WDR1: variants seen among roughly 807,000 people sequenced by gnomAD.
WDR1 encodes the protein WD repeat-containing protein 1.
WDR1 carries 21 observed loss-of-function variants against 71.9 expected under a neutral mutation model. That is an observed-to-expected ratio of 0.29 (90% confidence interval 0.21 to 0.42). The LOEUF (loss-of-function observed/expected upper bound fraction) is 0.42. WDR1 is among the 10% of genes least tolerant of loss of function. WDR1 has a pLI of 1.00. For synonymous variants in WDR1, 424 were observed against 347.4 expected (o/e 1.22, Z -2.45); for missense variants, 696 against 824.5 (o/e 0.84, Z 1.91).
intron 11 of WDR1, 68 bp from the exon 12 acceptor site, chr4:10,079,069 G>A: frequency 1.5e-6 from 2 of 1,329,970 alleles, no homozygotes; most frequent in Admixed American, 4.1e-5. Flanking sequence ...GTGGTAGGAG[G>A]GGCGCGTCCC....
At chr4:10,094,130 C>G (rs1356645342) in intron 5 of WDR1, among the ~76,000 whole-genome samples, 1 of 152,222 alleles carries the variant, frequency 6.6e-6, no homozygotes, top group East Asian at 1.9e-4. Context: ...CCTACAATCA[C>G]AGCTTGTTAG....
chr4:10,100,843 G>T (rs922031996), intron 3 of WDR1, among the ~76,000 whole-genome samples: 8 of 152,240 alleles, frequency 5.3e-5, no homozygotes. Flanking sequence ...GTGCAGGAAG[G>T]ACATGCAGAT....
At chr4:10,114,054 A>G (rs1713556942) in intron 2 of WDR1, among the ~76,000 whole-genome samples, 1 of 152,058 alleles carries the variant, frequency 6.6e-6, no homozygotes, top group Non-Finnish European at 1.5e-5. Context: ...TTTTTTTCCA[A>G]GAGTACTTTG....
intron 6 of WDR1, 73 bp from the exon 7 acceptor site, chr4:10,088,446 T>G (rs1711739003): frequency 2.1e-6 from 3 of 1,442,452 alleles, no homozygotes; most frequent in South Asian, 1.2e-5. Flanking sequence ...CTCCATGGAC[T>G]GTGGCTGTAG....
intron 2 of WDR1, among the ~76,000 whole-genome samples, chr4:10,104,226 G>A (rs568856197): frequency 1.3e-5 from 2 of 152,142 alleles, no homozygotes; most frequent in African/African-American, 4.8e-5. Flanking sequence ...TGTACAACAA[G>A]GTGATTTTTT....
At chr4:10,115,720 T>A (rs1390602961) in intron 2 of WDR1, 1 of 158,908 alleles carries the variant, frequency 6.3e-6, no homozygotes, top group Non-Finnish European at 1.4e-5. Context: ...CTTCTCAAGG[T>A]CACGCAGCGG....
At chr4:10,116,399 C>T in intron 1 of WDR1, 165 bp from the exon 2 acceptor site, 2 of 1,110,792 alleles carry the variant, frequency 1.8e-6, no homozygotes, top group Non-Finnish European at 2.5e-6. Context: ...CTTCCTGGTC[C>T]GCGCCCCGGG....
At chr4:10,108,048 A>G (rs1359919363) in intron 2 of WDR1, among the ~76,000 whole-genome samples, 1 of 152,166 alleles carries the variant, frequency 6.6e-6, no homozygotes, top group East Asian at 1.9e-4. Context: ...TGGCAAACCT[A>G]AACATACTCC....
intron 13 of WDR1, 24 bp from the exon 14 acceptor site, chr4:10,077,472 G>A (rs909343176): frequency 3.1e-6 from 5 of 1,613,768 alleles, no homozygotes; most frequent in African/African-American, 2.7e-5. Context: ...GAAAACAAGA[G>A]AGGTGGCAGG....
Position 10,075,127 on chromosome 4 carries a change from G to A in WDR1, c.*251C>T. 2 of 488,692 alleles carry A rather than the reference G, an allele frequency of 4.1e-6. No homozygotes were observed. Among genetic ancestry groups the A allele is most frequent in the Admixed American group, 3.6e-5 (1 of 27,574 alleles). 30.3% of individuals were successfully genotyped at this position (488,692 alleles called of 1,614,324 possible). ...ATTCTCAAGGTTTGGTTGGGCTGTG[G>A]GTTTTAGTTATGCTCCACACATTGT... On this transcript the variant is annotated 3_prime_UTR_variant, in exon 15 of 15. Transcript: ENST00000499869.
chr4:10,083,057 G>A lies in WDR1; in HGVS notation c.1161C>T (p.Thr387=), dbSNP rs369146940. Residue 387 remains threonine (T), a synonymous_variant, in exon 10 of 15, where the codon ACC becomes ACT. Coordinates refer to ENST00000499869, the MANE Select transcript of WDR1 (RefSeq NM_017491.5). ...GQLISCSMDD[T]VRYTSLMLRD... The stretch of plus-strand genomic sequence containing the variant: ...GCAGCATGAGGCTGGTGTACCGCAC[G>A]GTGTCGTCCATGCTGCAGCTGATGA... 1.2e-4 allele frequency: 199 copies of A among 1,613,690 alleles called. No individual in the cohort carries two copies. The highest frequency in any genetic ancestry group is 1.7e-4 in the Middle Eastern group (1 of 6,054).
Position 10,077,025 on chromosome 4 carries a change from T to C in WDR1, c.1714+279A>G, listed in dbSNP as rs932187938. 3.2e-5 allele frequency: 13 copies of C among 406,622 alleles called. 1 individual carries two copies. Among genetic ancestry groups the C allele is most frequent in the East Asian group, 2.6e-4 (6 of 22,798 alleles). 25.2% of individuals were successfully genotyped at this position (406,622 alleles called of 1,614,324 possible). On this transcript the variant is annotated intron_variant, in intron 14 of 14. Transcript: ENST00000499869. ...GGGGAGACCCTGGTCCCAGGTGGGA[T>C]TTAAGGGGTGAGTGGGGGAAGTGAA...
chr4:10,107,977 A>T (rs1379996861), intron 2 of WDR1, among the ~76,000 whole-genome samples: 1 of 151,912 alleles, frequency 6.6e-6, no homozygotes, highest in East Asian at 1.9e-4. Context: ...CCCACCTCCC[A>T]CCTGTGCACT....
Position 10,077,767 on chromosome 4 carries a change from C to A in WDR1, c.1555G>T (p.Ala519Ser). 1 of 1,591,566 alleles carries A rather than the reference C, an allele frequency of 6.3e-7. No individual in the cohort carries two copies. The highest frequency in any genetic ancestry group is 8.6e-7 in the Non-Finnish European group (1 of 1,167,940). Residue 519 changes from alanine to serine, a missense_variant, in exon 13 of 15, where the codon GCT becomes TCT. Transcript: ENST00000499869. ...ASKVVTVFSV[A>S]DGYSENNVFY... ...CCGCCACTCACCGAGTAGCCGTCAG[C>A]AACGCTGAACACTGTGACCACCTTG...
chr4:10,083,072 G>A lies in WDR1; in HGVS notation c.1146C>T (p.Cys382=). 3 of 1,613,874 alleles carry A rather than the reference G, an allele frequency of 1.9e-6. No individual in the cohort carries two copies. The highest frequency in any genetic ancestry group is 1.7e-4 in the Middle Eastern group (1 of 6,052). ...TVDESGQLIS[C]SMDDTVRYTS... is the part of the protein sequence containing the mutation. ...TGTACCGCACGGTGTCGTCCATGCTGCAGCTGATGAGCTGCCCCGACTCAT... is the reference window on the plus strand; with the variant it reads ...TGTACCGCACGGTGTCGTCCATGCTACAGCTGATGAGCTGCCCCGACTCAT... Residue 382 remains cysteine (C), a synonymous_variant, in exon 10 of 15, where the codon TGC becomes TGT. Coordinates refer to ENST00000499869, the MANE Select transcript of WDR1 (RefSeq NM_017491.5).
At chr4:10,116,005 A>G in intron 2 of WDR1, 108 bp downstream of exon 2, 2 of 1,451,322 alleles carry the variant, frequency 1.4e-6, no homozygotes, top group Non-Finnish European at 1.9e-6. Flanking sequence ...TGGCGCCCTC[A>G]CCCTCCCCGG....
rs1394649305 is a variant in WDR1, at chr4:10,084,547, C to T, written c.952-17G>A. ...ACTGTGACCCTGTGAAGGAGACACA[C>T]TGGGCGGGTAAGCTGATGACACACT... On this transcript the variant is annotated splice_polypyrimidine_tract_variant and intron_variant, in intron 8 of 14. Coordinates refer to ENST00000499869, the MANE Select transcript of WDR1 (RefSeq NM_017491.5). 1.2e-6 allele frequency: 2 copies of T among 1,612,656 alleles called. No homozygotes were observed. The highest frequency in any genetic ancestry group is 2.7e-5 in the African/African-American group (2 of 74,918).
chr4:10,104,781 C>A (rs1319907815), intron 2 of WDR1, among the ~76,000 whole-genome samples: 1 of 152,180 alleles, frequency 6.6e-6, no homozygotes, highest in Non-Finnish European at 1.5e-5. Flanking sequence ...AAAGACATGG[C>A]CATCTAATCT....
chr4:10,076,962 G>A (rs908082769), intron 14 of WDR1: 16 of 242,000 alleles, frequency 6.6e-5, no homozygotes, highest in Non-Finnish European at 1.0e-4. Flanking sequence ...CGCCACATGA[G>A]GCTCACATTA....
Sources: allele counts gnomAD v4.1 joint callset (sites outside exome capture counted in the v4.1 genomes callset), GRCh38; gene constraint gnomAD v4.1.1; transcripts MANE v1.5; gene names NCBI Gene and HGNC (gene_info 2026-07-23, HGNC 2026-07-21).